Variants in TEX9 observed in about 807,000 individuals in gnomAD.
The protein encoded by TEX9 is testis-expressed protein 9.
A neutral mutation model predicts 59.6 loss-of-function variants in TEX9; 74 were observed. That is an observed-to-expected ratio of 1.24 (90% CI 1.03 to 1.51). TEX9 has a LOEUF of 1.51. Ranked by LOEUF, TEX9 falls within the 40% of genes most tolerant of loss-of-function variation. The pLI, the probability that TEX9 is intolerant of heterozygous loss-of-function variation, is 0.00. For synonymous variants in TEX9, 186 were observed against 152.2 expected (o/e 1.22, Z -1.64); for missense variants, 522 against 447.8 (o/e 1.17, Z -1.49).
At chr15:56,404,673 A>C (rs1252885339) in intron 9 of TEX9, among the ~76,000 whole-genome samples, 1 of 152,234 alleles carries the variant, frequency 6.6e-6, no homozygotes, top group Non-Finnish European at 1.5e-5. Flanking sequence ...CTATAAAGAC[A>C]CATGCACACG....
intron 12 of TEX9, chr15:56,434,437 T>C (rs775091301): frequency 1.4e-5 from 22 of 1,549,218 alleles, no homozygotes; most frequent in East Asian, 2.2e-5. Context: ...ACTATTTCCT[T>C]ACACCAGATT....
At chr15:56,287,392 T>A (rs931984410) in intron 1 of TEX9, among the ~76,000 whole-genome samples, 10 of 152,122 alleles carry the variant, frequency 6.6e-5, no homozygotes, top group African/African-American at 2.4e-4. Context: ...TTTAAAAAAA[T>A]TATTTATTTT....
At chr15:56,426,586 G>A (rs1177342659) in intron 10 of TEX9, among the ~76,000 whole-genome samples, 69 of 6,796 alleles carry the variant, frequency 0.01, no homozygotes, top group Non-Finnish European at 0.021. Flanking sequence ...TTTTTGAAAA[G>A]GTGTATATAT....
chr15:56,458,772 C>T, the TEX9 span, among the ~76,000 whole-genome samples: 1 of 152,054 alleles, frequency 6.6e-6, no homozygotes, highest in Non-Finnish European at 1.5e-5. Flanking sequence ...CACATCTTTT[C>T]ATGGCTTCAT....
intron 12 of TEX9, among the ~76,000 whole-genome samples, chr15:56,439,762 A>C (rs1282362623): frequency 1.3e-5 from 2 of 151,600 alleles, no homozygotes; most frequent in East Asian, 1.9e-4. Flanking sequence ...AAAAAAAAAA[A>C]ACCCAAAAAA....
At chr15:56,446,950 A>C (rs765202195), downstream of TEX9, 2 of 1,584,124 alleles carry the variant, frequency 1.3e-6, no homozygotes, top group South Asian at 1.1e-5. Flanking sequence ...AATGCTGTTT[A>C]AAAAAACAAA....
intron 1 of TEX9, among the ~76,000 whole-genome samples, chr15:56,298,459 C>G (rs72740537): frequency 0.012 from 1,756 of 152,218 alleles, 17 homozygotes; most frequent in Middle Eastern, 0.024. Context: ...GAAGTATAGA[C>G]TTGTAGTTTG....
At chr15:56,412,010 A>G (rs779295559) in intron 9 of TEX9, among the ~76,000 whole-genome samples, 6 of 152,166 alleles carry the variant, frequency 3.9e-5, no homozygotes, top group Non-Finnish European at 7.3e-5. Context: ...GAGGACAGGT[A>G]TACTGTGTCT....
intron 12 of TEX9, among the ~76,000 whole-genome samples, chr15:56,438,258 CA>C: frequency 6.6e-6 from 1 of 152,094 alleles, no homozygotes; most frequent in Non-Finnish European, 1.5e-5. Context: ...GTACTGCTAC[CA>C]AAACAGAGAT....
chr15:56,349,176 T>A (rs1297708948), intron 1 of TEX9, among the ~76,000 whole-genome samples: 1 of 152,176 alleles, frequency 6.6e-6, no homozygotes, highest in Non-Finnish European at 1.5e-5. Context: ...TTTCTTTGTA[T>A]GTCAAGTAAA....
chr15:56,350,243 C>A (rs911048847), intron 1 of TEX9, among the ~76,000 whole-genome samples: 11 of 152,116 alleles, frequency 7.2e-5, no homozygotes, highest in African/African-American at 2.7e-4. Flanking sequence ...AAAATATATA[C>A]ATACATTATG....
chr15:56,274,142 C>T (rs993634904), intron 1 of TEX9, among the ~76,000 whole-genome samples: 1 of 152,160 alleles, frequency 6.6e-6, no homozygotes, highest in Non-Finnish European at 1.5e-5. Flanking sequence ...TATGATACCA[C>T]AGCTCTTGGG....
chr15:56,339,373 A>C, intron 1 of TEX9, among the ~76,000 whole-genome samples: 1 of 104,406 alleles, frequency 9.6e-6, no homozygotes, highest in Non-Finnish European at 1.8e-5. Context: ...TCAGAGCAAG[A>C]CTCCTTCTCC....
chr15:56,295,635 C>T (rs770041324), intron 1 of TEX9, among the ~76,000 whole-genome samples: 4 of 152,086 alleles, frequency 2.6e-5, no homozygotes, highest in Non-Finnish European at 4.4e-5. Context: ...CTAAAGGAGG[C>T]GATATTTTAT....
chr15:56,282,163 G>A (rs988439350), intron 1 of TEX9, among the ~76,000 whole-genome samples: 1 of 152,026 alleles, frequency 6.6e-6, no homozygotes, highest in South Asian at 2.1e-4. Context: ...TTTATTCTAG[G>A]AATGTAATCA....
chr15:56,325,962 G>A (rs1367520202), intron 1 of TEX9, among the ~76,000 whole-genome samples: 6 of 152,160 alleles, frequency 3.9e-5, no homozygotes, highest in African/African-American at 1.4e-4. Flanking sequence ...ATGAACATAC[G>A]GTCCCCAATT....
chr15:56,334,286 G>A (rs2046217256), intron 1 of TEX9, among the ~76,000 whole-genome samples: 1 of 152,100 alleles, frequency 6.6e-6, no homozygotes, highest in South Asian at 2.1e-4. Context: ...AACCAAAACG[G>A]CATGGTACTG....
the TEX9 span, among the ~76,000 whole-genome samples, chr15:56,453,817 T>G: frequency 6.6e-6 from 1 of 152,174 alleles, no homozygotes; most frequent in Admixed American, 6.5e-5. Context: ...GAGTCATGAT[T>G]TCTGAGCTCA....
At chr15:56,408,597 C>T (rs1349111056) in intron 9 of TEX9, 5 of 151,648 alleles carry the variant, frequency 3.3e-5, no homozygotes, top group African/African-American at 7.3e-5. Flanking sequence ...TTAAACTTCA[C>T]ATGTCCTAAA....
Sources: gnomAD v4.1 joint callset for allele counts (sites outside exome capture counted in the v4.1 genomes callset) on GRCh38, gnomAD v4.1.1 for gene constraint, MANE v1.5 for transcripts, NCBI Gene and HGNC (gene_info 2026-07-23, HGNC 2026-07-21) for gene names.